The following DLGAP4 variants were observed in gnomAD, a reference collection of about 807,000 sequenced individuals.
DLGAP4 encodes the protein disks large-associated protein 4.
A neutral mutation model predicts 86.9 loss-of-function variants in DLGAP4; 18 were observed. That is an observed-to-expected ratio of 0.21 (90% confidence interval 0.14 to 0.31). The LOEUF is 0.31. Among genes scored for constraint, DLGAP4 ranks in the 10% least tolerant of loss-of-function variants. The pLI is 1.00. For missense variants in DLGAP4, 1,085 were observed against 1,362.6 expected, an observed-to-expected ratio of 0.80 and a Z score of 3.21; for synonymous variants, 548 against 574.3, an observed-to-expected ratio of 0.95 and a Z score of 0.65.
At chr20:36,511,555 T>C (rs1282886133) in intron 10 of DLGAP4, among the ~76,000 whole-genome samples, 1 of 152,078 alleles carries the variant, frequency 6.6e-6, no homozygotes, top group African/African-American at 2.4e-5. Context: ...GTAGTTTTTG[T>C]TGAGTTTTGT....
chr20:36,498,834 AGAG>A (rs1371115438), intron 8 of DLGAP4: 1 of 164,894 alleles, frequency 6.1e-6, no homozygotes, highest in African/African-American at 2.4e-5. Context: ...CCTTTGTCCC[AGAG>A]AAGAAAGGCA....
intron 9 of DLGAP4, 40 bp downstream of exon 9, chr20:36,499,716 T>C: frequency 6.6e-7 from 1 of 1,524,454 alleles, no homozygotes; most frequent in South Asian, 1.2e-5. Context: ...TCCCCTCTCC[T>C]CTCCCTCCCT....
chr20:36,349,215 G>A (rs1187078763), intron 1 of DLGAP4, among the ~76,000 whole-genome samples: 1 of 148,266 alleles, frequency 6.7e-6, no homozygotes, highest in African/African-American at 2.5e-5. Flanking sequence ...TCAGGAGATT[G>A]AGATCATCCT....
At chr20:36,427,333 C>G (rs1248130682) in intron 2 of DLGAP4, among the ~76,000 whole-genome samples, 1 of 151,900 alleles carries the variant, frequency 6.6e-6, no homozygotes, top group East Asian at 1.9e-4. Context: ...CAAAAATTAG[C>G]CGGATGTGGT....
At chr20:36,447,979 G>A (rs2033642434) in intron 7 of DLGAP4, among the ~76,000 whole-genome samples, 1 of 151,094 alleles carries the variant, frequency 6.6e-6, no homozygotes, top group Admixed American at 6.6e-5. Context: ...CTAGATGATG[G>A]GTTGATAAGT....
chr20:36,313,132 A>G (rs2065067571), intron 1 of DLGAP4, among the ~76,000 whole-genome samples: 1 of 151,908 alleles, frequency 6.6e-6, no homozygotes, highest in Non-Finnish European at 1.5e-5. Flanking sequence ...ACTGCCCTCT[A>G]TCTTCCAGCT....
intron 11 of DLGAP4, 150 bp downstream of exon 11, chr20:36,524,491 T>C: frequency 1.5e-6 from 1 of 652,386 alleles, no homozygotes. Context: ...GCAATGTGTG[T>C]CAGTGTCTAG....
At chr20:36,425,402 T>A (rs2032946531) in intron 2 of DLGAP4, among the ~76,000 whole-genome samples, 1 of 152,168 alleles carries the variant, frequency 6.6e-6, no homozygotes, top group Non-Finnish European at 1.5e-5. Flanking sequence ...CCTACTAGGA[T>A]GACTATAATT....
intron 1 of DLGAP4, among the ~76,000 whole-genome samples, chr20:36,313,118 C>A (rs1299462231): frequency 2.6e-5 from 4 of 152,094 alleles, no homozygotes; most frequent in African/African-American, 9.7e-5. Context: ...CGCCTGGCTT[C>A]TCCACTGCCC....
At chr20:36,436,394 C>A in intron 4 of DLGAP4, 44 bp downstream of exon 4, 1 of 1,531,244 alleles carries the variant, frequency 6.5e-7, no homozygotes. Flanking sequence ...CAGAGGCAAG[C>A]CCCGCCCACT....
At chr20:36,407,591 T>C (rs2032361732) in intron 2 of DLGAP4, among the ~76,000 whole-genome samples, 1 of 151,838 alleles carries the variant, frequency 6.6e-6, no homozygotes, top group African/African-American at 2.4e-5. Flanking sequence ...GCTACTGAGA[T>C]AAATAGGAGT....
chr20:36,406,611 C>T (rs918205786), intron 2 of DLGAP4, among the ~76,000 whole-genome samples: 57 of 152,082 alleles, frequency 3.7e-4, no homozygotes, highest in Admixed American at 2.6e-4. Context: ...GTTGATGCCC[C>T]TCTTTAAAGT....
At chr20:36,438,233 T>C (rs1409495951) in intron 4 of DLGAP4, among the ~76,000 whole-genome samples, 1 of 151,900 alleles carries the variant, frequency 6.6e-6, no homozygotes. Flanking sequence ...AATTAGCAGA[T>C]TGTGGCGGTG....
intron 7 of DLGAP4, among the ~76,000 whole-genome samples, chr20:36,483,821 G>A (rs559587414): frequency 3.3e-4 from 50 of 152,364 alleles, no homozygotes; most frequent in Non-Finnish European, 6.6e-4. Context: ...CTGCACCAGC[G>A]GTCACCAGGC....
At chr20:36,430,456 TA>T (rs1320830248) in intron 2 of DLGAP4, among the ~76,000 whole-genome samples, 1 of 152,016 alleles carries the variant, frequency 6.6e-6, no homozygotes, top group African/African-American at 2.4e-5. Context: ...ATTCCTCTGT[TA>T]AACAATTGGA....
At position 36,510,268 on chromosome 20, in the gene DLGAP4, T is replaced by C. The variant is rs74835753; in HGVS notation, c.2512+9657T>C. 2.6e-5 allele frequency among the ~76,000 whole-genome samples: 4 copies of C among 152,188 alleles called. No homozygotes were observed. In the East Asian group the frequency reaches 7.7e-4, roughly 29 times the overall value. ...TACAACTATTTTCATTTATTTGTTA[T>C]TTAATTTTATTTTTTTGGCGAGTCT... On this transcript the variant is annotated intron_variant, in intron 10 of 12. Transcript: ENST00000339266.
intron 2 of DLGAP4, among the ~76,000 whole-genome samples, chr20:36,421,587 T>C (rs980037935): frequency 6.6e-6 from 1 of 151,908 alleles, no homozygotes; most frequent in African/African-American, 2.4e-5. Flanking sequence ...AGGTGGTAGG[T>C]GGAGGAACTC....
chr20:36,454,237 C>T lies in DLGAP4; in HGVS notation c.1648+7300C>T, dbSNP rs568239755. The stretch of plus-strand genomic sequence containing the variant: ...TCGCACTATTACACTCCAGCCTGGG[C>T]GACAGAGCGAGACTCTGTCTCAAAA... On this transcript the variant is annotated intron_variant, in intron 7 of 12. Transcript: ENST00000339266. Among the ~76,000 whole-genome samples, 131 of 140,772 alleles carry T rather than the reference C, an allele frequency of 9.3e-4. 1 individual carries two copies. Among genetic ancestry groups the T allele is most frequent in the African/African-American group, 3.4e-3 (128 of 37,968 alleles). The allele number at this position is 140,772 out of a possible 152,430, so 92.4% of individuals were successfully genotyped here. A position where few individuals can be genotyped will look rare whatever the true frequency, so the allele number is the denominator to read the frequency against.
intron 1 of DLGAP4, among the ~76,000 whole-genome samples, chr20:36,336,224 GT>G (rs1555892091): frequency 2.6e-5 from 4 of 152,146 alleles, no homozygotes; most frequent in Non-Finnish European, 5.9e-5. Context: ...CAGAGCTGAA[GT>G]TTCTGGCCTC....
Sources: gnomAD v4.1 joint callset for allele counts (sites outside exome capture counted in the v4.1 genomes callset) on GRCh38, gnomAD v4.1.1 for gene constraint, MANE v1.5 for transcripts, NCBI Gene and HGNC (gene_info 2026-07-23, HGNC 2026-07-21) for gene names.